Variants in RPH3A observed in about 807,000 individuals in gnomAD.
RPH3A encodes the protein rabphilin-3A.
RPH3A carries 48 observed loss-of-function variants against 102.2 expected under a neutral mutation model. The ratio of observed to expected loss-of-function variants is 0.47; its 90% CI spans 0.37 to 0.60. The LOEUF is 0.60. Among genes scored for constraint, RPH3A ranks in the 20% least tolerant of loss-of-function variants. RPH3A has a pLI of 0.00. For missense variants in RPH3A, 781 were observed against 910.1 expected, an observed-to-expected ratio of 0.86 and a Z score of 1.83; for synonymous variants, 310 against 324.3, an observed-to-expected ratio of 0.96 and a Z score of 0.47.
chr12:112,714,129 A>T (rs771266421), intron 1 of RPH3A, among the ~76,000 whole-genome samples: 3 of 152,122 alleles, frequency 2.0e-5, no homozygotes, highest in Admixed American at 6.5e-5. Flanking sequence ...TTCTGTCCCA[A>T]TGTGTCTATC....
chr12:112,857,310 T>C (rs530351232), intron 5 of RPH3A, among the ~76,000 whole-genome samples: 9 of 152,170 alleles, frequency 5.9e-5, no homozygotes, highest in African/African-American at 2.2e-4. Context: ...TCCCCCAAAA[T>C]GTTCACATCC....
At chr12:112,647,409 G>A (rs1157098622) in intron 1 of RPH3A, among the ~76,000 whole-genome samples, 1 of 152,154 alleles carries the variant, frequency 6.6e-6, no homozygotes, top group Non-Finnish European at 1.5e-5. Context: ...GGTATATTTA[G>A]TTATCTTTTA....
intron 2 of RPH3A, among the ~76,000 whole-genome samples, chr12:112,794,410 C>G (rs779698376): frequency 2.0e-5 from 3 of 152,174 alleles, no homozygotes; most frequent in Admixed American, 2.0e-4. Flanking sequence ...GGGAGAGGCC[C>G]TGTTTGGGGT....
chr12:112,896,285 G>GC (rs2043178338), intron 21 of RPH3A, among the ~76,000 whole-genome samples: 1 of 152,204 alleles, frequency 6.6e-6, no homozygotes, highest in African/African-American at 2.4e-5. Flanking sequence ...CAGAGCCTGA[G>GC]CTAAGGGGTA....
intron 1 of RPH3A, among the ~76,000 whole-genome samples, chr12:112,709,301 G>C (rs994791747): frequency 6.6e-6 from 1 of 152,174 alleles, no homozygotes; most frequent in Admixed American, 6.5e-5. Context: ...TGTAATCCCA[G>C]CACTTTGAGA....
At chr12:112,584,043 T>C (rs1015562991) in intron 1 of RPH3A, among the ~76,000 whole-genome samples, 1 of 152,190 alleles carries the variant, frequency 6.6e-6, no homozygotes, top group Non-Finnish European at 1.5e-5. Context: ...TTATGGACTC[T>C]GAGACTCTTA....
chr12:112,668,385 A>G (rs1232441349), intron 1 of RPH3A, among the ~76,000 whole-genome samples: 1 of 152,198 alleles, frequency 6.6e-6, no homozygotes, highest in Non-Finnish European at 1.5e-5. Context: ...CTGTAAACTG[A>G]GTTTCCCTCT....
Position 112,634,373 on chromosome 12 carries a change from AAAAC to A in RPH3A, c.-140+59074_-140+59077del, listed in dbSNP as rs1204201693. 6.3e-4 allele frequency among the ~76,000 whole-genome samples: 6 copies of A among 9,516 alleles called. 3 individuals carry two copies. Among genetic ancestry groups the A allele is most frequent in the Admixed American group, 1.6e-3 (2 of 1,214 alleles). The allele number at this position is 9,516 out of a possible 152,430, so 6.2% of individuals were successfully genotyped here. On this transcript the variant is annotated intron_variant, in intron 1 of 21. Coordinates refer to the RPH3A transcript ENST00000543106. Reference sequence around the variant, plus strand: ...AAAAACAAAAAAAAAACAAAACAAAAAAACAAACAAACAAACAAACAAAATACAA... The same window carrying A: ...AAAAACAAAAAAAAAACAAAACAAAAAAACAAACAAACAAACAAAATACAA...
intron 1 of RPH3A, among the ~76,000 whole-genome samples, chr12:112,664,749 C>T (rs1403424176): frequency 6.6e-6 from 1 of 152,104 alleles, no homozygotes. Flanking sequence ...GTCACATCCC[C>T]TCTGCGCAAC....
intron 2 of RPH3A, among the ~76,000 whole-genome samples, chr12:112,808,090 T>C (rs532594613): frequency 6.6e-6 from 1 of 152,280 alleles, no homozygotes; most frequent in South Asian, 2.1e-4. Context: ...ATCTTTGCTC[T>C]TATTCAAAAC....
chr12:112,662,699 A>G (rs530122165), intron 1 of RPH3A, among the ~76,000 whole-genome samples: 1 of 152,004 alleles, frequency 6.6e-6, no homozygotes, highest in African/African-American at 2.4e-5. Flanking sequence ...GCATTGTGGC[A>G]GGGAAGCAGC....
chr12:112,840,761 G>A (rs556609844), intron 4 of RPH3A, among the ~76,000 whole-genome samples: 1 of 152,058 alleles, frequency 6.6e-6, no homozygotes, highest in African/African-American at 2.4e-5. Context: ...AATAATAATA[G>A]GTGTATTTCG....
At chr12:112,802,205 G>A (rs931137746) in intron 2 of RPH3A, among the ~76,000 whole-genome samples, 9 of 152,190 alleles carry the variant, frequency 5.9e-5, no homozygotes, top group Non-Finnish European at 8.8e-5. Context: ...CAAATGCTGA[G>A]TGTCCTCATG....
chr12:112,673,475 T>G (rs1453037300), intron 1 of RPH3A, among the ~76,000 whole-genome samples: 1 of 151,874 alleles, frequency 6.6e-6, no homozygotes, highest in African/African-American at 2.4e-5. Context: ...GGACTACAGG[T>G]GCATGCCACC....
chr12:112,774,735 C>T (rs2040953603), intron 1 of RPH3A, among the ~76,000 whole-genome samples: 1 of 151,418 alleles, frequency 6.6e-6, no homozygotes, highest in Non-Finnish European at 1.5e-5. Context: ...AACGAGAACA[C>T]ATGGACACAG....
rs1333494031 is a variant in RPH3A at position 112,809,997 on chromosome 12, G to A, written c.-19+17734G>A. Among the ~76,000 whole-genome samples the A allele has an allele frequency of 7.9e-5, 12 of 152,120 alleles. No homozygotes were observed. In the East Asian group the frequency reaches 2.3e-3, roughly 29 times the overall value. On this transcript the variant is annotated intron_variant, in intron 2 of 21. Transcript: ENST00000389385. ...AAGAGCTTGGCATTCAGTTTTCTAT[G>A]GCTTCGGTATCCCCAGATCCCTCAA...
chr12:112,622,043 C>T (rs956557018), intron 1 of RPH3A, among the ~76,000 whole-genome samples: 4 of 150,448 alleles, frequency 2.7e-5, no homozygotes, highest in Non-Finnish European at 4.4e-5. Flanking sequence ...ACATCCACAC[C>T]GAAAACCCAT....
chr12:112,825,012 C>T (rs960952969), intron 2 of RPH3A, among the ~76,000 whole-genome samples: 2 of 151,590 alleles, frequency 1.3e-5, no homozygotes, highest in African/African-American at 4.9e-5. Flanking sequence ...GTTACAGTTT[C>T]AGCTTTCTAG....
chr12:112,891,398 A>G (rs1300749360), intron 19 of RPH3A, among the ~76,000 whole-genome samples: 3 of 152,240 alleles, frequency 2.0e-5, no homozygotes, highest in Admixed American at 1.3e-4. Flanking sequence ...ATGCTCAGAA[A>G]AAAAACATGC....
Sources: gnomAD v4.1 joint callset for allele counts (sites outside exome capture counted in the v4.1 genomes callset) on GRCh38, gnomAD v4.1.1 for gene constraint, MANE v1.5 for transcripts, NCBI Gene and HGNC (gene_info 2026-07-23, HGNC 2026-07-21) for gene names.